The following RAPH1 variants were observed in gnomAD, a reference collection of about 807,000 sequenced individuals.
The protein encoded by RAPH1 is Ras association (RalGDS/AF-6) and pleckstrin homology domains 1.
A neutral mutation model predicts 88.1 loss-of-function variants in RAPH1; 18 were observed. The ratio of observed to expected loss-of-function variants is 0.20; its 90% CI spans 0.14 to 0.30. The LOEUF (loss-of-function observed/expected upper bound fraction) is 0.30. Ranked by LOEUF, RAPH1 falls within the 10% of genes least tolerant of loss-of-function variation. The pLI, the probability that RAPH1 is intolerant of heterozygous loss-of-function variation, is 1.00. For missense variants in RAPH1, 1,448 were observed against 1,543.2 expected (o/e 0.94, Z 1.03); for synonymous variants, 587 against 559.0 (o/e 1.05, Z -0.71).
At chr2:203,522,919 A>G (rs1430025298) in intron 1 of RAPH1, among the ~76,000 whole-genome samples, 2 of 151,550 alleles carry the variant, frequency 1.3e-5, no homozygotes, top group Non-Finnish European at 2.9e-5. Flanking sequence ...AAAAAAAAGA[A>G]AAAGAAAAGA....
chr2:203,528,999 ATATATATTTTT>A (rs1268773885), intron 1 of RAPH1, among the ~76,000 whole-genome samples: 26 of 81,140 alleles, frequency 3.2e-4, no homozygotes, highest in African/African-American at 1.8e-3. Context: ...ATATATATAT[ATATATATTTTT>A]TTTTTTTTTT....
chr2:203,475,090 A>C (rs2098536229), intron 4 of RAPH1, among the ~76,000 whole-genome samples: 1 of 152,098 alleles, frequency 6.6e-6, no homozygotes, highest in Non-Finnish European at 1.5e-5. Flanking sequence ...CAGCTTGAGC[A>C]ACAGAGCAAG....
chr2:203,465,247 G>A (rs920046004), intron 4 of RAPH1, among the ~76,000 whole-genome samples: 5 of 152,264 alleles, frequency 3.3e-5, no homozygotes, highest in African/African-American at 1.2e-4. Context: ...CAACAAAGAC[G>A]TCACCCAGTA....
At chr2:203,507,833 T>A (rs374818778) in intron 1 of RAPH1, among the ~76,000 whole-genome samples, 1 of 152,192 alleles carries the variant, frequency 6.6e-6, no homozygotes, top group African/African-American at 2.4e-5. Context: ...ATGACTGGAT[T>A]AGATCACAGT....
chr2:203,528,427 T>G (rs1690223139), intron 1 of RAPH1, among the ~76,000 whole-genome samples: 1 of 152,218 alleles, frequency 6.6e-6, no homozygotes, highest in Non-Finnish European at 1.5e-5. Context: ...AATAGCTGAT[T>G]GACAAATAGG....
chr2:203,469,021 G>A (rs1027953493), intron 4 of RAPH1, among the ~76,000 whole-genome samples: 2 of 152,184 alleles, frequency 1.3e-5, no homozygotes, highest in Non-Finnish European at 2.9e-5. Context: ...AAATTATGGA[G>A]CCCAGGGATA....
chr2:203,523,040 T>C (rs1242821968), intron 1 of RAPH1, among the ~76,000 whole-genome samples: 1 of 151,626 alleles, frequency 6.6e-6, no homozygotes, highest in African/African-American at 2.4e-5. Flanking sequence ...ATCACATCAA[T>C]GTAACAGAAT....
intron 4 of RAPH1, among the ~76,000 whole-genome samples, chr2:203,480,842 A>G (rs1375489838): frequency 6.6e-6 from 1 of 152,204 alleles, no homozygotes; most frequent in Non-Finnish European, 1.5e-5. Flanking sequence ...CTGGTGCTAG[A>G]GTGCCTGGGT....
At chr2:203,515,250 A>G (rs1689545049) in intron 1 of RAPH1, among the ~76,000 whole-genome samples, 1 of 152,218 alleles carries the variant, frequency 6.6e-6, no homozygotes, top group Non-Finnish European at 1.5e-5. Context: ...AAAATCTGTA[A>G]TTTAACTAAT....
chr2:203,440,950 A>G lies in RAPH1; in HGVS notation c.2240T>C (p.Leu747Pro), dbSNP rs1273967013. The G allele has an allele frequency of 1.3e-6, 2 of 1,563,072 alleles. No individual in the cohort carries two copies. Among genetic ancestry groups the G allele is most frequent in the Non-Finnish European group, 8.6e-7 (1 of 1,158,532 alleles). The change falls in exon 14 of 14, where the codon CTG becomes CCG. Residue 747 changes from leucine (L) to proline (P), a missense_variant. By Grantham distance (98) the Leu-to-Pro change is moderately conservative. Coordinates refer to ENST00000319170, the MANE Select transcript of RAPH1 (RefSeq NM_213589.3). ...AATATGCTGAACTTGATGGATCTTC[A>G]GTGGAGGAGGCGGGGCACTGAACTG... is the stretch of plus-strand genomic sequence containing the variant. ...LPQFSAPPPPLKIHQVQHITQ... is the reference protein window; with the variant it reads ...LPQFSAPPPPPKIHQVQHITQ...
At chr2:203,496,289 CAG>C (rs745911598) in intron 1 of RAPH1, among the ~76,000 whole-genome samples, 4 of 152,134 alleles carry the variant, frequency 2.6e-5, no homozygotes, top group Non-Finnish European at 5.9e-5. Flanking sequence ...CCCTGGGAGA[CAG>C]AGGTTGCAGA....
intron 1 of RAPH1, among the ~76,000 whole-genome samples, chr2:203,496,033 A>C (rs1050098927): frequency 2.0e-5 from 3 of 152,212 alleles, no homozygotes; most frequent in Non-Finnish European, 4.4e-5. Flanking sequence ...AAGTCCCTTG[A>C]AAGAAGAAAT....
In RAPH1 at chr2:203,440,833, G is replaced by A; in HGVS notation, c.2357C>T (p.Pro786Leu). The A allele has an allele frequency of 6.3e-7, 1 of 1,586,578 alleles. No individual in the cohort carries two copies. Among genetic ancestry groups the A allele is most frequent in the Non-Finnish European group, 8.6e-7 (1 of 1,165,248 alleles). ...QAPPKPLVTI[P>L]APTSTKTVAP... ...CACAGTCTTGGTGCTGGTTGGTGCG[G>A]GGATGGTCACAAGGGGTTTTGGGGG... The change falls in exon 14 of 14, where the codon CCC becomes CTC. Residue 786 changes from proline to leucine, a missense_variant. Pro to Leu is a moderately conservative substitution (Grantham distance 98, BLOSUM62 -3). Transcript: ENST00000319170.
chr2:203,440,831 C>G lies in RAPH1; in HGVS notation c.2359G>C (p.Ala787Pro), dbSNP rs149798506. Residue 787 changes from alanine (A) to proline (P), a missense_variant, in exon 14 of 14, where the codon GCA (alanine) becomes CCA (proline). Ala to Pro is a conservative substitution (Grantham distance 27, BLOSUM62 -1). This residue lies in a region of RAPH1 where 935 missense variants were observed against 890.1 expected (regional missense o/e 1.05). Transcript: ENST00000319170. ...APPKPLVTIP[A>P]PTSTKTVAPV... ...GCCACAGTCTTGGTGCTGGTTGGTGCGGGGATGGTCACAAGGGGTTTTGGG... is the reference window on the plus strand; with the variant it reads ...GCCACAGTCTTGGTGCTGGTTGGTGGGGGGATGGTCACAAGGGGTTTTGGG... 9.3e-7 allele frequency: 1 copy of G among 1,072,680 alleles called. No individual in the cohort carries two copies. Among genetic ancestry groups the G allele is most frequent in the East Asian group, 5.9e-5 (1 of 16,886 alleles). 66.4% of individuals were successfully genotyped at this position (1,072,680 alleles called of 1,614,324 possible).
At chr2:203,516,829 C>T (rs1370124109) in intron 1 of RAPH1, among the ~76,000 whole-genome samples, 2 of 151,854 alleles carry the variant, frequency 1.3e-5, no homozygotes, top group African/African-American at 2.4e-5. Context: ...GTCAGGAGAT[C>T]GAGACCATCC....
chr2:203,457,590 A>G lies in RAPH1; in HGVS notation c.1098T>C (p.Tyr366=). 6.2e-7 allele frequency: 1 copy of G among 1,609,268 alleles called. No individual in the cohort carries two copies. The highest frequency in any genetic ancestry group is 8.5e-7 in the Non-Finnish European group (1 of 1,175,616). ...KYALFKNPQN[Y]LLGKKETAEM... is the part of the protein sequence containing the mutation. ...CAGCTGTTTCTTTTTTCCCCAAAAGATAATTCTGGAAAAACAAACATATGG... is the reference window on the plus strand; with the variant it reads ...CAGCTGTTTCTTTTTTCCCCAAAAGGTAATTCTGGAAAAACAAACATATGG... Residue 366 remains tyrosine, a synonymous_variant, in exon 8 of 14, where the codon TAT becomes TAC. Transcript: ENST00000319170.
Position 203,440,199 on chromosome 2 carries a change from C to T in RAPH1, c.2991G>A (p.Val997=), listed in dbSNP as rs2098502166. ...GTGTAAACTTGCTGACTAGACTGTC[C>T]ACCGAGGGTCTCTTGGGCTCGGGGT... is the stretch of plus-strand genomic sequence containing the variant. ...AEHPEPKRPS[V]DSLVSKFTPP... Residue 997 remains valine, a synonymous_variant, in exon 14 of 14, where the codon GTG becomes GTA. Transcript: ENST00000319170. 1 of 1,613,728 alleles carries T rather than the reference C, an allele frequency of 6.2e-7. No homozygotes were observed. The highest frequency in any genetic ancestry group is 1.3e-5 in the African/African-American group (1 of 74,880).
intron 1 of RAPH1, among the ~76,000 whole-genome samples, chr2:203,503,991 C>A (rs1372767151): frequency 6.6e-6 from 1 of 152,208 alleles, no homozygotes; most frequent in Non-Finnish European, 1.5e-5. Flanking sequence ...TGGTCTTGGG[C>A]AGCTCTGCCC....
chr2:203,440,200 A>G lies in RAPH1; in HGVS notation c.2990T>C (p.Val997Ala). ...TGTAAACTTGCTGACTAGACTGTCC[A>G]CCGAGGGTCTCTTGGGCTCGGGGTG... Reference protein sequence around the residue: ...AEHPEPKRPSVDSLVSKFTPP... With the variant: ...AEHPEPKRPSADSLVSKFTPP... Residue 997 changes from valine (V) to alanine (A), a missense_variant, in exon 14 of 14, where the codon GTG becomes GCG. This residue lies in a region of RAPH1 where 935 missense variants were observed against 890.1 expected (regional missense o/e 1.05). Coordinates refer to ENST00000319170, the MANE Select transcript of RAPH1 (RefSeq NM_213589.3). 1.2e-6 allele frequency: 2 copies of G among 1,613,852 alleles called. No individual in the cohort carries two copies. Among genetic ancestry groups the G allele is most frequent in the South Asian group, 2.2e-5 (2 of 91,082 alleles).
Sources: allele counts gnomAD v4.1 joint callset (sites outside exome capture counted in the v4.1 genomes callset), GRCh38; gene constraint gnomAD v4.1.1; regional missense constraint gnomAD v4.1.1; transcripts MANE v1.5; gene names NCBI Gene and HGNC (gene_info 2026-07-23, HGNC 2026-07-21).